DCC: variants seen among roughly 807,000 people sequenced by gnomAD.
DCC encodes the protein netrin receptor DCC.
Under a neutral mutation model 172.5 loss-of-function variants are expected in DCC, and 58 were observed. The ratio of observed to expected loss-of-function variants is 0.34; its 90% CI spans 0.27 to 0.42. The LOEUF is 0.42. Among genes scored for constraint, DCC ranks in the 10% least tolerant of loss-of-function variants. DCC has a pLI of 1.00. For synonymous variants in DCC, 709 were observed against 644.5 expected (o/e 1.10, Z -1.52); for missense variants, 1,740 against 1,791.0 (o/e 0.97, Z 0.51).
At position 53,532,957 on chromosome 18, in the gene DCC, G is replaced by T. The variant is rs183537793; in HGVS notation, c.*2304G>T. 5 of 152,138 alleles carry T rather than the reference G, an allele frequency of 3.3e-5. No homozygotes were observed. The highest frequency in any genetic ancestry group is 9.6e-5 in the African/African-American group (4 of 41,498). 9.4% of individuals were successfully genotyped at this position (152,138 alleles called of 1,614,324 possible). The stretch of plus-strand genomic sequence containing the variant: ...CTTCAGTGGAAGTTATATTTCTGCT[G>T]CATGCTTTTGAAACTTTCTTCATTA... On this transcript the variant is annotated 3_prime_UTR_variant, in exon 29 of 29. Coordinates refer to ENST00000442544, the MANE Select transcript of DCC (RefSeq NM_005215.4).
At position 53,252,263 on chromosome 18, in the gene DCC, T is replaced by C. The variant is rs116492508; in HGVS notation, c.1911+36666T>C. 4.4e-3 allele frequency among the ~76,000 whole-genome samples: 669 copies of C among 151,948 alleles called. 4 individuals are homozygous for C. The highest frequency in any genetic ancestry group is 0.015 in the African/African-American group (627 of 41,470). On this transcript the variant is annotated intron_variant, in intron 12 of 28. Coordinates refer to ENST00000442544, the MANE Select transcript of DCC (RefSeq NM_005215.4). ...TGCATGTGCTCATTTACATACTGCATAGGATTTTAGACGATCTACAATACA... is the reference window on the plus strand; with the variant it reads ...TGCATGTGCTCATTTACATACTGCACAGGATTTTAGACGATCTACAATACA...
chr18:53,429,574 T>C (rs1159840529), intron 21 of DCC, among the ~76,000 whole-genome samples: 2 of 152,088 alleles, frequency 1.3e-5, no homozygotes, highest in African/African-American at 4.8e-5. Context: ...GAAATTGGAA[T>C]TGCAAAAATA....
chr18:52,610,179 ATAT>A (rs1158367359), intron 1 of DCC, among the ~76,000 whole-genome samples: 1 of 8,746 alleles, frequency 1.1e-4, no homozygotes, highest in Non-Finnish European at 1.8e-4. Flanking sequence ...AAAAAAAAAA[ATAT>A]ATATATATAT....
At chr18:52,379,685 G>A (rs1985503792) in intron 1 of DCC, among the ~76,000 whole-genome samples, 1 of 152,124 alleles carries the variant, frequency 6.6e-6, no homozygotes, top group South Asian at 2.1e-4. Context: ...TTAACCAAAA[G>A]TTGAGAGTTA....
intron 5 of DCC, among the ~76,000 whole-genome samples, chr18:52,936,638 C>A (rs2040385227): frequency 1.8e-5 from 1 of 57,130 alleles, no homozygotes. Flanking sequence ...TTTAATTATC[C>A]CTAACAATCT....
chr18:53,351,420 CACTGTG>C (rs1250727647), intron 15 of DCC, among the ~76,000 whole-genome samples: 1 of 15,910 alleles, frequency 6.3e-5, no homozygotes, highest in African/African-American at 1.7e-4. Flanking sequence ...TATATATACA[CACTGTG>C]TATATATATA....
At chr18:53,073,201 G>A (rs1226766150) in intron 7 of DCC, among the ~76,000 whole-genome samples, 1 of 151,764 alleles carries the variant, frequency 6.6e-6, no homozygotes, top group Non-Finnish European at 1.5e-5. Flanking sequence ...AAATAATCAC[G>A]TTTTTATTGG....
At chr18:52,782,022 T>A (rs2037554457) in intron 2 of DCC, among the ~76,000 whole-genome samples, 1 of 152,178 alleles carries the variant, frequency 6.6e-6, no homozygotes, top group African/African-American at 2.4e-5. Context: ...AAATAATTTC[T>A]GAATGATAAA....
chr18:52,653,194 T>A (rs1297537629), intron 1 of DCC, among the ~76,000 whole-genome samples: 2 of 152,134 alleles, frequency 1.3e-5, no homozygotes, highest in East Asian at 1.9e-4. Context: ...TCACAGACAT[T>A]TTTGATGGCA....
chr18:52,507,955 G>T (rs1598874233), intron 1 of DCC, among the ~76,000 whole-genome samples: 1 of 152,032 alleles, frequency 6.6e-6, no homozygotes, highest in East Asian at 1.9e-4. Context: ...ACAAAAATTA[G>T]CCGTGCATGG....
intron 3 of DCC, 82 bp downstream of exon 3, chr18:52,906,410 T>C (rs2039882616): frequency 7.1e-7 from 1 of 1,399,908 alleles, no homozygotes; most frequent in Non-Finnish European, 1.0e-6. Context: ...AACAGATATT[T>C]GTAATTGTTA....
chr18:52,846,416 T>A (rs2038890475), intron 2 of DCC, among the ~76,000 whole-genome samples: 2 of 152,018 alleles, frequency 1.3e-5, no homozygotes, highest in Admixed American at 1.3e-4. Flanking sequence ...GGTGCCAAAA[T>A]GTATTGTCAG....
intron 5 of DCC, among the ~76,000 whole-genome samples, chr18:52,945,230 G>GA (rs2040524895): frequency 6.6e-6 from 1 of 152,004 alleles, no homozygotes; most frequent in Non-Finnish European, 1.5e-5. Context: ...GTTTTAACAA[G>GA]AAAAAATACC....
At chr18:52,700,584 G>T (rs1431182639) in intron 1 of DCC, among the ~76,000 whole-genome samples, 1 of 152,184 alleles carries the variant, frequency 6.6e-6, no homozygotes, top group Non-Finnish European at 1.5e-5. Context: ...ATTATCTTAT[G>T]AATATGGGCT....
chr18:52,703,330 A>G (rs1046299088), intron 1 of DCC, among the ~76,000 whole-genome samples: 1 of 152,082 alleles, frequency 6.6e-6, no homozygotes, highest in Non-Finnish European at 1.5e-5. Context: ...TTCATCCCCT[A>G]TATTTGGATG....
chr18:52,853,952 T>C (rs1450283939), intron 2 of DCC, among the ~76,000 whole-genome samples: 1 of 152,188 alleles, frequency 6.6e-6, no homozygotes, highest in Non-Finnish European at 1.5e-5. Context: ...CAGCAAAGAA[T>C]TTTGGTCTCA....
intron 2 of DCC, among the ~76,000 whole-genome samples, chr18:52,778,577 T>C (rs1163560700): frequency 6.6e-6 from 1 of 152,180 alleles, no homozygotes; most frequent in East Asian, 1.9e-4. Flanking sequence ...TTCTAAAAGC[T>C]TCCTTTAGAT....
At chr18:52,779,068 CTGAGA>C (rs1727450593) in intron 2 of DCC, among the ~76,000 whole-genome samples, 1 of 152,026 alleles carries the variant, frequency 6.6e-6, no homozygotes, top group African/African-American at 2.4e-5. Context: ...AATTGTTGTG[CTGAGA>C]TAAGTTGATG....
At chr18:53,081,783 A>G (rs552976019) in intron 7 of DCC, among the ~76,000 whole-genome samples, 55 of 152,218 alleles carry the variant, frequency 3.6e-4, no homozygotes, top group African/African-American at 1.3e-3. Context: ...GTGTCAGCCA[A>G]TCATTCTAGG....
Sources: gnomAD v4.1 joint callset for allele counts (sites outside exome capture counted in the v4.1 genomes callset) on GRCh38, gnomAD v4.1.1 for gene constraint, MANE v1.5 for transcripts, NCBI Gene and HGNC (gene_info 2026-07-23, HGNC 2026-07-21) for gene names.